The following PEX2 variants were observed in gnomAD, a reference collection of about 807,000 sequenced individuals.
PEX2 encodes the protein peroxisome biogenesis factor 2.
In PEX2, 19 loss-of-function variants were observed where a neutral mutation model predicts 25.2. That is an observed-to-expected ratio of 0.75 (90% CI 0.53 to 1.10). PEX2 has a LOEUF of 1.10. PEX2 is among the 50% of genes least tolerant of loss of function. The pLI is 0.00. For synonymous variants in PEX2, 141 were observed against 127.7 expected (o/e 1.10, Z -0.70); for missense variants, 347 against 350.6 (o/e 0.99, Z 0.08).
chr8:76,990,981 A>G (rs1807153969), intron 1 of PEX2, among the ~76,000 whole-genome samples: 1 of 152,212 alleles, frequency 6.6e-6, no homozygotes, highest in Non-Finnish European at 1.5e-5. Context: ...AAGCACAGTA[A>G]AATATAACGA....
intron 1 of PEX2, among the ~76,000 whole-genome samples, chr8:76,993,396 T>G (rs1477604166): frequency 6.6e-6 from 1 of 152,052 alleles, no homozygotes; most frequent in African/African-American, 2.4e-5. Flanking sequence ...TCAAAGTAAT[T>G]TAACTTACTT....
chr8:76,987,538 C>T (rs111503584), intron 2 of PEX2, among the ~76,000 whole-genome samples: 3,435 of 152,130 alleles, frequency 0.023, 41 homozygotes, highest in Middle Eastern at 0.061. Context: ...AATAGTGGTA[C>T]GCAAATAACT....
upstream of PEX2, among the ~76,000 whole-genome samples, chr8:77,000,538 C>T (rs545318517): frequency 6.6e-6 from 1 of 152,308 alleles, no homozygotes; most frequent in East Asian, 1.9e-4. Flanking sequence ...GAGGGATGGC[C>T]TGGTGGGGAG....
rs115824324 is a variant in PEX2, at chr8:76,995,590, T to C, written c.-160+4400A>G. Among the ~76,000 whole-genome samples the C allele has an allele frequency of 9.2e-3, 1,398 of 152,260 alleles. 14 individuals carry two copies. Among genetic ancestry groups the C allele is most frequent in the African/African-American group, 0.032 (1,343 of 41,556 alleles). The stretch of plus-strand genomic sequence containing the variant: ...TCAACTGAGTGCCTTACTTATCTCA[T>C]ACACAATATAGTTATTCAAGTATCT... On this transcript the variant is annotated intron_variant, in intron 1 of 3. Transcript: ENST00000357039.
chr8:76,981,097 T>G lies in PEX2; in HGVS notation c.*2164A>C, dbSNP rs1563604110. 1 of 152,130 alleles carries G rather than the reference T, an allele frequency of 6.6e-6. No individual in the cohort carries two copies. 9.4% of individuals were successfully genotyped at this position (152,130 alleles called of 1,614,324 possible). On this transcript the variant is annotated 3_prime_UTR_variant, in exon 4 of 4. Transcript: ENST00000357039. ...ACATTGCATTATTCACAACAGAAAG[T>G]GAAAAGAACCTAAATGCTCTATGAT...
intron 1 of PEX2, among the ~76,000 whole-genome samples, chr8:76,999,373 G>A (rs1026244983): frequency 1.3e-5 from 2 of 150,954 alleles, no homozygotes; most frequent in African/African-American, 5.0e-5. Flanking sequence ...AACAAACAAC[G>A]ATTTTTAATT....
chr8:76,983,218 A>C lies in PEX2; in HGVS notation c.*43T>G. ...TTAGGATGACTAATATTAAGAATTTAAACACGGTGCATTTTTTTCCTCAAA... is the reference window on the plus strand; with the variant it reads ...TTAGGATGACTAATATTAAGAATTTCAACACGGTGCATTTTTTTCCTCAAA... On this transcript the variant is annotated 3_prime_UTR_variant, in exon 4 of 4. Coordinates refer to ENST00000357039, the MANE Select transcript of PEX2 (RefSeq NM_000318.3). 6.2e-7 allele frequency: 1 copy of C among 1,603,834 alleles called. No individual in the cohort carries two copies. The highest frequency in any genetic ancestry group is 1.3e-5 in the African/African-American group (1 of 75,068).
At chr8:76,993,676 CT>C (rs1807239208) in intron 1 of PEX2, among the ~76,000 whole-genome samples, 1 of 152,128 alleles carries the variant, frequency 6.6e-6, no homozygotes, top group South Asian at 2.1e-4. Context: ...TTACAAGCTG[CT>C]TTTTGTAAAA....
chr8:76,983,868 A>AT lies in PEX2; in HGVS notation c.310dup (p.Ile104AsnfsTer19), dbSNP rs1235008965. On this transcript the variant is annotated frameshift_variant, in exon 4 of 4. Coordinates refer to ENST00000357039, the MANE Select transcript of PEX2 (RefSeq NM_000318.3). LOFTEE classifies it high-confidence loss of function. ...ACCAATTGTACAAACAGCATACCAG[A>AT]TTTTTTGATTTTTACTGGGTGGCTG... The AT allele has an allele frequency of 5.6e-6, 9 of 1,613,984 alleles. No individual in the cohort carries two copies. Among genetic ancestry groups the AT allele is most frequent in the Non-Finnish European group, 7.6e-6 (9 of 1,179,998 alleles).
intron 2 of PEX2, 84 bp from the exon 3 acceptor site, chr8:76,986,380 A>G (rs1807001098): frequency 6.6e-6 from 1 of 152,222 alleles, no homozygotes; most frequent in African/African-American, 2.4e-5. Flanking sequence ...GACTGTTGGT[A>G]CGTGGTCCAA....
At chr8:76,989,948 T>C (rs990218861) in intron 1 of PEX2, among the ~76,000 whole-genome samples, 15 of 152,248 alleles carry the variant, frequency 9.9e-5, no homozygotes, top group African/African-American at 3.4e-4. Flanking sequence ...TATTGGCTTC[T>C]CCTCTCTAGC....
In PEX2 at chr8:76,985,295, G is replaced by C. The variant is rs114121921; in HGVS notation, c.-18+892C>G. Among the ~76,000 whole-genome samples, 1,036 of 152,178 alleles carry C rather than the reference G, an allele frequency of 6.8e-3. 17 individuals carry two copies. The highest frequency in any genetic ancestry group is 0.024 in the African/African-American group (985 of 41,536). Reference sequence around the variant, plus strand: ...TGAAACAGAGAGTAAAATGGTGGTTGGTAGGGGCTGGGAGGGTGAGAGAAA... The same window carrying C: ...TGAAACAGAGAGTAAAATGGTGGTTCGTAGGGGCTGGGAGGGTGAGAGAAA... On this transcript the variant is annotated intron_variant, in intron 3 of 3. Transcript: ENST00000357039.
At position 76,983,864 on chromosome 8, in the gene PEX2, C is replaced by G; in HGVS notation, c.315G>C (p.Trp105Cys). ...TGCCACCAATTGTACAAACAGCATA[C>G]CAGATTTTTTGATTTTTACTGGGTG... is the stretch of plus-strand genomic sequence containing the variant. ...YQPPSKNQKI[W>C]YAVCTIGGRW... is the part of the protein sequence containing the mutation. Residue 105 changes from tryptophan (W) to cysteine (C), a missense_variant, in exon 4 of 4, where the codon TGG (tryptophan) becomes TGC (cysteine). Coordinates refer to ENST00000357039, the MANE Select transcript of PEX2 (RefSeq NM_000318.3). The G allele has an allele frequency of 6.2e-7, 1 of 1,614,086 alleles. No homozygotes were observed.
At chr8:76,991,874 T>C (rs1472134255) in intron 1 of PEX2, among the ~76,000 whole-genome samples, 1 of 152,206 alleles carries the variant, frequency 6.6e-6, no homozygotes, top group Non-Finnish European at 1.5e-5. Context: ...AAAGCAGTAT[T>C]ATTTATTACA....
intron 1 of PEX2, among the ~76,000 whole-genome samples, chr8:76,996,976 A>G (rs765291284): frequency 2.0e-5 from 3 of 152,248 alleles, no homozygotes; most frequent in Non-Finnish European, 2.9e-5. Flanking sequence ...AGTAGAATGG[A>G]CATTTGCTAA....
intron 1 of PEX2, among the ~76,000 whole-genome samples, chr8:76,998,407 A>G (rs1807398409): frequency 1.3e-5 from 2 of 152,252 alleles, no homozygotes; most frequent in South Asian, 4.1e-4. Context: ...ATGGAGAAGA[A>G]GGAATAATAA....
chr8:76,993,232 G>A (rs1277268004), intron 1 of PEX2, among the ~76,000 whole-genome samples: 1 of 152,074 alleles, frequency 6.6e-6, no homozygotes, highest in East Asian at 1.9e-4. Flanking sequence ...GAAGAGAAGA[G>A]ACATAATGGG....
In PEX2 at chr8:76,983,598, TC is replaced by T; in HGVS notation, c.580del (p.Glu194AsnfsTer11). 6.2e-7 allele frequency: 1 copy of T among 1,614,072 alleles called. No homozygotes were observed. On this transcript the variant is annotated frameshift_variant, in exon 4 of 4. Coordinates refer to ENST00000357039, the MANE Select transcript of PEX2 (RefSeq NM_000318.3). LOFTEE classifies it high-confidence loss of function. Reference protein sequence around the residue: ...CEVGFEYMNRELLWHGFAEFL... With the variant: ...CEVGFEYMNRXLLWHGFAEFL... ...TTCAGCAAAACCATGCCAGAGAAGT[TC>T]CCTATTCATGTATTCAAAGCCAACT...
At chr8:76,998,454 T>C (rs150559235) in intron 1 of PEX2, among the ~76,000 whole-genome samples, 49 of 152,320 alleles carry the variant, frequency 3.2e-4, no homozygotes, top group African/African-American at 1.1e-3. Flanking sequence ...CATTTCAAAT[T>C]TGTATTGATA....
Sources: gnomAD v4.1 joint callset for allele counts (sites outside exome capture counted in the v4.1 genomes callset) on GRCh38, gnomAD v4.1.1 for gene constraint, MANE v1.5 for transcripts, NCBI Gene and HGNC (gene_info 2026-07-23, HGNC 2026-07-21) for gene names.